ADAMTS8: variants seen among roughly 807,000 people sequenced by gnomAD.
The protein encoded by ADAMTS8 is A disintegrin and metalloproteinase with thrombospondin motifs 8.
In ADAMTS8, 50 loss-of-function variants were observed where a neutral mutation model predicts 64.4. The observed-to-expected ratio is 0.78, with a 90% CI of 0.62 to 0.98. ADAMTS8 has a LOEUF of 0.98. ADAMTS8 is among the 50% of genes least tolerant of loss of function. The pLI is 0.00. For missense variants in ADAMTS8, 1,192 were observed against 1,208.2 expected, an observed-to-expected ratio of 0.99 and a Z score of 0.20; for synonymous variants, 556 against 533.6, an observed-to-expected ratio of 1.04 and a Z score of -0.58.
chr11:130,426,387 G>A (rs996337375), intron 1 of ADAMTS8, among the ~76,000 whole-genome samples: 3 of 152,200 alleles, frequency 2.0e-5, no homozygotes, highest in Admixed American at 6.5e-5. Flanking sequence ...CCCAGCAGTC[G>A]GGCACAGACT....
At position 130,408,838 on chromosome 11, in the gene ADAMTS8, G is replaced by C. The variant is rs1339294420; in HGVS notation, c.1853C>G (p.Ser618Cys). The change falls in exon 7 of 9, where the codon TCC becomes TGC. Residue 618 changes from serine (S) to cysteine (C), a missense_variant. This residue lies in a region of ADAMTS8 where 290 missense variants were observed against 297.8 expected (regional missense o/e 0.97). Transcript: ENST00000257359. ...GAACAACTTGCAGCGGTCCCGGGGG[G>C]ACACCCCAGCATACTTGGGGACCCA... The part of the protein sequence containing the change: ...LQWVPKYAGV[S>C]PRDRCKLFCR... 3 of 1,613,798 alleles carry C rather than the reference G, an allele frequency of 1.9e-6. No homozygotes were observed. The highest frequency in any genetic ancestry group is 2.5e-6 in the Non-Finnish European group (3 of 1,179,916).
chr11:130,414,706 G>A lies in ADAMTS8; in HGVS notation c.1391C>T (p.Pro464Leu), dbSNP rs1426144654. ...QIFGPDFRHCPNTSAQDVCAQ... is the reference protein window; with the variant it reads ...QIFGPDFRHCLNTSAQDVCAQ... The stretch of plus-strand genomic sequence containing the variant: ...GCAGACGTCCTGAGCAGAGGTGTTG[G>A]GGCAGTGGCGGAAATCCGGCCCAAA... Residue 464 changes from proline to leucine, a missense_variant, in exon 5 of 9, where the codon CCC (proline) becomes CTC (leucine). Pro to Leu is a moderately conservative substitution (Grantham distance 98). Coordinates refer to ENST00000257359, the MANE Select transcript of ADAMTS8 (RefSeq NM_007037.6). 1.9e-6 allele frequency: 3 copies of A among 1,613,846 alleles called. No homozygotes were observed. Among genetic ancestry groups the A allele is most frequent in the Admixed American group, 1.7e-5 (1 of 60,036 alleles).
At chr11:130,414,507 C>A in intron 5 of ADAMTS8, 24 bp downstream of exon 5, 1 of 1,558,206 alleles carries the variant, frequency 6.4e-7, no homozygotes, top group South Asian at 1.2e-5. Context: ...CCCCTCCCCG[C>A]TATCCTCAGG....
chr11:130,419,396 A>G lies in ADAMTS8; in HGVS notation c.721-104T>C, dbSNP rs931260256. 8.0e-6 allele frequency: 12 copies of G among 1,502,768 alleles called. No homozygotes were observed. In the African/African-American group the frequency reaches 1.2e-4, roughly 16 times the overall value. The allele number at this position is 1,502,768 out of a possible 1,614,324, so 93.1% of individuals were successfully genotyped here. ...ACCTCTTGTTATGGGGCTGAGCATC[A>G]GATTCCTACCAAAGCCTCACAATAC... On this transcript the variant is annotated intron_variant, in intron 1 of 8. Transcript: ENST00000257359.
In ADAMTS8 at chr11:130,414,827, A is replaced by G; in HGVS notation, c.1270T>C (p.Cys424Arg). ...GCCGCAGCAGGGGCATCCAGGAGACAGTCTCCTGGGAAAAGAGGAAGCAGG... is the reference window on the plus strand; with the variant it reads ...GCCGCAGCAGGGGCATCCAGGAGACGGTCTCCTGGGAAAAGAGGAAGCAGG... ...TELLDGGHGDCLLDAPAAALP... is the reference protein window; with the variant it reads ...TELLDGGHGDRLLDAPAAALP... The change falls in exon 5 of 9, where the codon TGT (cysteine) becomes CGT (arginine). Residue 424 changes from cysteine to arginine, a missense_variant. Cys to Arg is a radical substitution (Grantham distance 180, BLOSUM62 -3). Coordinates refer to ENST00000257359, the MANE Select transcript of ADAMTS8 (RefSeq NM_007037.6). 1.9e-6 allele frequency: 3 copies of G among 1,605,602 alleles called. No homozygotes were observed. The highest frequency in any genetic ancestry group is 8.5e-7 in the Non-Finnish European group (1 of 1,175,042).
intron 8 of ADAMTS8, among the ~76,000 whole-genome samples, chr11:130,407,476 G>A (rs1861898395): frequency 6.6e-6 from 1 of 152,108 alleles, no homozygotes; most frequent in Admixed American, 6.5e-5. Context: ...CAGACAGACA[G>A]ACAGACAGAC....
rs1192868893 is a variant in ADAMTS8, at chr11:130,416,846, G to T, written c.1096+94C>A. On this transcript the variant is annotated intron_variant, in intron 3 of 8. Coordinates refer to ENST00000257359, the MANE Select transcript of ADAMTS8 (RefSeq NM_007037.6). This position sits in a 1 kb window ranked among gnomAD's most constrained non-coding sequence, Gnocchi z 4.8. ...ATTAGGAGGAGCTATTCCTAAGCAA[G>T]GGCCGCATATTCCTTAGGATCTACG... 1.3e-6 allele frequency: 2 copies of T among 1,560,312 alleles called. No homozygotes were observed. Among genetic ancestry groups the T allele is most frequent in the Non-Finnish European group, 1.8e-6 (2 of 1,142,576 alleles).
rs780724536 is a variant in ADAMTS8 at position 130,406,075 on chromosome 11, A to G, written c.2153T>C (p.Val718Ala). 15 of 1,613,432 alleles carry G rather than the reference A, an allele frequency of 9.3e-6. No individual in the cohort carries two copies. The highest frequency in any genetic ancestry group is 1.3e-5 in the Non-Finnish European group (15 of 1,180,024). ...TIPAGATNIDVKQRSHPGVQN... is the reference protein window; with the variant it reads ...TIPAGATNIDAKQRSHPGVQN... The stretch of plus-strand genomic sequence containing the variant: ...CACACCCGGGTGGCTCCGCTGCTTC[A>G]CGTCAATATTAGTGGCACCAGCTGG... Residue 718 changes from valine to alanine, a missense_variant, in exon 9 of 9, where the codon GTG (valine) becomes GCG (alanine). Val to Ala is a moderately conservative substitution (Grantham distance 64, BLOSUM62 0). Coordinates refer to ENST00000257359, the MANE Select transcript of ADAMTS8 (RefSeq NM_007037.6).
rs531626149 is a variant in ADAMTS8 at position 130,411,043 on chromosome 11, G to A, written c.1750+374C>T. Among the ~76,000 whole-genome samples the A allele has an allele frequency of 1.3e-5, 2 of 152,284 alleles. No homozygotes were observed. Among genetic ancestry groups the A allele is most frequent in the Admixed American group, 1.3e-4 (2 of 15,298 alleles). On this transcript the variant is annotated intron_variant, in intron 6 of 8. Transcript: ENST00000257359. The surrounding 1 kb of genome is among the most constrained non-coding windows in gnomAD (Gnocchi z 4.2). ...CAGATGAGGGTTCCTATGCCTCCAG[G>A]AGGATTAGTTTCCTAGACACCAGCC...
Position 130,417,044 on chromosome 11 carries a change from G to A in ADAMTS8, c.992C>T (p.Thr331Ile). The change falls in exon 3 of 9, where the codon ACC becomes ATC. Residue 331 changes from threonine (T) to isoleucine (I), a missense_variant. By Grantham distance (89) the Thr-to-Ile change is moderately conservative. Coordinates refer to ENST00000257359, the MANE Select transcript of ADAMTS8 (RefSeq NM_007037.6). Reference sequence around the variant, plus strand: ...GGTCCCGATGTCTGCCACACCCAGGGTGTCACACAGCCCCTCCTGCCCACA... The same window carrying A: ...GGTCCCGATGTCTGCCACACCCAGGATGTCACACAGCCCCTCCTGCCCACA... ...NFCGQEGLCD[T>I]LGVADIGTIC... 6.2e-7 allele frequency: 1 copy of A among 1,613,964 alleles called. No individual in the cohort carries two copies. The highest frequency in any genetic ancestry group is 1.3e-5 in the African/African-American group (1 of 75,008).
chr11:130,407,147 C>G (rs1270991164), intron 8 of ADAMTS8, among the ~76,000 whole-genome samples: 1 of 152,160 alleles, frequency 6.6e-6, no homozygotes, highest in Non-Finnish European at 1.5e-5. Flanking sequence ...GCGGGCGGAT[C>G]ACTTGATGCC....
At chr11:130,414,924 T>A in intron 4 of ADAMTS8, 92 bp from the exon 5 acceptor site, 1 of 1,324,216 alleles carries the variant, frequency 7.6e-7, no homozygotes, top group Non-Finnish European at 1.0e-6. Context: ...ACTGAAGGTC[T>A]AGGTGTCACG....
Position 130,405,409 on chromosome 11 carries a change from C to T in ADAMTS8, c.*149G>A, listed in dbSNP as rs546423475. The stretch of plus-strand genomic sequence containing the variant: ...TCCTCTTCCCCCTTAGGAATTTGTG[C>T]AGTACTGGAGGGGTTGCGGCAATGG... On this transcript the variant is annotated 3_prime_UTR_variant, in exon 9 of 9. Transcript: ENST00000257359. 2.8e-6 allele frequency: 4 copies of T among 1,453,514 alleles called. No individual in the cohort carries two copies. The highest frequency in any genetic ancestry group is 3.0e-5 in the South Asian group (2 of 65,986). 90.0% of individuals were successfully genotyped at this position (1,453,514 alleles called of 1,614,324 possible). A position where few individuals can be genotyped will look rare whatever the true frequency, so the allele number is the denominator to read the frequency against.
At chr11:130,422,982 C>CTAGG (rs1862120127) in intron 1 of ADAMTS8, among the ~76,000 whole-genome samples, 1 of 152,226 alleles carries the variant, frequency 6.6e-6, no homozygotes, top group Non-Finnish European at 1.5e-5. Flanking sequence ...CAAGACAAGG[C>CTAGG]TAGGACATTG....
intron 1 of ADAMTS8, 137 bp from the exon 2 acceptor site, chr11:130,419,429 G>T: frequency 1.6e-6 from 2 of 1,241,748 alleles, no homozygotes; most frequent in Non-Finnish European, 1.1e-6. Context: ...TACCCCCGAG[G>T]TCTCCGTGTT....
intron 8 of ADAMTS8, 71 bp from the exon 9 acceptor site, chr11:130,406,199 A>T (rs1188453330): frequency 6.6e-7 from 1 of 1,523,452 alleles, no homozygotes; most frequent in African/African-American, 1.4e-5. Flanking sequence ...TGCCTTGGAG[A>T]CTGAAGTGGG....
At chr11:130,409,390 C>A (rs1304906556) in intron 6 of ADAMTS8, among the ~76,000 whole-genome samples, 1 of 152,170 alleles carries the variant, frequency 6.6e-6, no homozygotes, top group Non-Finnish European at 1.5e-5. Flanking sequence ...TGCCCCTACA[C>A]CCACATTCCG....
In ADAMTS8 at chr11:130,428,055, C is replaced by T. The variant is rs1275325537; in HGVS notation, c.232G>A (p.Glu78Lys). 2 of 1,531,604 alleles carry T rather than the reference C, an allele frequency of 1.3e-6. No individual in the cohort carries two copies. Among genetic ancestry groups the T allele is most frequent in the Non-Finnish European group, 1.7e-6 (2 of 1,146,698 alleles). 94.9% of individuals were successfully genotyped at this position (1,531,604 alleles called of 1,614,324 possible). A position where few individuals can be genotyped will look rare whatever the true frequency, so the allele number is the denominator to read the frequency against. ...LAPDDSFLAPEFKIERLGGSG... is the reference protein window; with the variant it reads ...LAPDDSFLAPKFKIERLGGSG... ...CCCCCGAGGCGCTCGATCTTGAACT[C>T]GGGCGCTAGGAAGCTGTCGTCGGGC... The change falls in exon 1 of 9, where the codon GAG (glutamate) becomes AAG (lysine). Residue 78 changes from glutamate (E) to lysine (K), a missense_variant. Coordinates refer to ENST00000257359, the MANE Select transcript of ADAMTS8 (RefSeq NM_007037.6).
Position 130,411,112 on chromosome 11 carries a change from G to A in ADAMTS8, c.1750+305C>T, listed in dbSNP as rs923783056. Among the ~76,000 whole-genome samples the A allele has an allele frequency of 3.3e-5, 5 of 152,156 alleles. No homozygotes were observed. The highest frequency in any genetic ancestry group is 1.2e-4 in the African/African-American group (5 of 41,436). On this transcript the variant is annotated intron_variant, in intron 6 of 8. Transcript: ENST00000257359. The surrounding 1 kb of genome is among the most constrained non-coding windows in gnomAD (Gnocchi z 4.2). ...CCCAATAAGTTTGGTTGGGAGTGAT[G>A]TCCTCCTCTCCACATCTTGGAAGAT...
Sources: gnomAD v4.1 joint callset for allele counts (sites outside exome capture counted in the v4.1 genomes callset) on GRCh38, gnomAD v4.1.1 for gene constraint, gnomAD v4.1.1 regional missense constraint, Gnocchi (gnomAD v3.1) non-coding constraint, MANE v1.5 for transcripts, NCBI Gene and HGNC (gene_info 2026-07-23, HGNC 2026-07-21) for gene names.